METTL21C: variants seen among roughly 807,000 people sequenced by gnomAD.
The protein encoded by METTL21C is methyltransferase 21C, AARS1 lysine.
Under a neutral mutation model 25.9 loss-of-function variants are expected in METTL21C, and 21 were observed. The observed-to-expected ratio is 0.81, with a 90% CI of 0.58 to 1.17. The LOEUF (loss-of-function observed/expected upper bound fraction) is 1.17. METTL21C is among the 50% of genes most tolerant of loss of function. The probability of loss-of-function intolerance (pLI) is 0.00; values close to 1 mark genes in which losing one functional copy is unlikely to be tolerated. For missense variants in METTL21C, 312 were observed against 315.1 expected (o/e 0.99, Z 0.07); for synonymous variants, 125 against 124.7 (o/e 1.00, Z -0.01).
In METTL21C at chr13:102,686,565, T is replaced by G. The variant is rs553076946; in HGVS notation, c.401-140A>C. 7.1e-5 allele frequency: 72 copies of G among 1,013,602 alleles called. No individual in the cohort carries two copies. The African/African-American group carries it at 1.2e-3, about 16-fold the overall frequency. 62.8% of individuals were successfully genotyped at this position (1,013,602 alleles called of 1,614,324 possible). On this transcript the variant is annotated intron_variant, in intron 3 of 3. Transcript: ENST00000267273. Reference sequence around the variant, plus strand: ...TGGGCTGGACATGTTTGACCTAATGTGGGCTGGCTAATTCTTGTGGGTGGT... The same window carrying G: ...TGGGCTGGACATGTTTGACCTAATGGGGGCTGGCTAATTCTTGTGGGTGGT...
the METTL21C span, among the ~76,000 whole-genome samples, chr13:102,700,114 G>A: frequency 6.6e-6 from 1 of 152,288 alleles, no homozygotes; most frequent in Non-Finnish European, 1.5e-5. Context: ...CATTACCAGT[G>A]AAGAAGGAAA....
upstream of METTL21C, among the ~76,000 whole-genome samples, chr13:102,697,943 C>T (rs894766433): frequency 7.2e-5 from 11 of 152,058 alleles, no homozygotes; most frequent in South Asian, 2.1e-4. Context: ...CAGAGAGCTC[C>T]GGTGGTATTT....
chr13:102,699,214 C>A (rs1885995064), upstream of METTL21C, among the ~76,000 whole-genome samples: 1 of 152,178 alleles, frequency 6.6e-6, no homozygotes, highest in African/African-American at 2.4e-5. Flanking sequence ...ATAAATACAA[C>A]TTCACAGTGG....
the METTL21C span, among the ~76,000 whole-genome samples, chr13:102,703,627 A>T: frequency 2.0e-5 from 3 of 152,232 alleles, no homozygotes; most frequent in African/African-American, 7.2e-5. Context: ...AGCAGATGTT[A>T]TTCAGGATCA....
At chr13:102,689,536 C>T (rs1421129256) in intron 2 of METTL21C, among the ~76,000 whole-genome samples, 2 of 152,202 alleles carry the variant, frequency 1.3e-5, no homozygotes, top group Non-Finnish European at 2.9e-5. Context: ...AATGTGGGCA[C>T]CCTGGCCCAG....
In METTL21C at chr13:102,692,413, C is replaced by T. The variant is rs138941826; in HGVS notation, c.131-1449G>A. ...AGTAAGTAGAGGGATTTGGAGTGAG[C>T]CTTTAGAAACAGTCACAACCATTTG... On this transcript the variant is annotated intron_variant, in intron 1 of 3. Coordinates refer to ENST00000267273, the MANE Select transcript of METTL21C (RefSeq NM_001010977.3). 1.5e-3 allele frequency among the ~76,000 whole-genome samples: 221 copies of T among 152,278 alleles called. 1 individual carries two copies. Among genetic ancestry groups the T allele is most frequent in the African/African-American group, 5.0e-3 (208 of 41,552 alleles).
At chr13:102,688,250 A>G (rs1302965096) in intron 2 of METTL21C, among the ~76,000 whole-genome samples, 2 of 152,194 alleles carry the variant, frequency 1.3e-5, no homozygotes, top group Non-Finnish European at 2.9e-5. Context: ...TAGGTTTGGT[A>G]GCCAACCTGA....
the METTL21C span, among the ~76,000 whole-genome samples, chr13:102,701,407 C>A: frequency 6.6e-6 from 1 of 152,132 alleles, no homozygotes; most frequent in Non-Finnish European, 1.5e-5. Context: ...CTGCTTCTAC[C>A]CCATTCTCTA....
upstream of METTL21C, among the ~76,000 whole-genome samples, chr13:102,698,899 T>A (rs146750896): frequency 1.1e-3 from 162 of 152,322 alleles, no homozygotes; most frequent in African/African-American, 3.8e-3. Flanking sequence ...TCCAGAGATA[T>A]CAGCAGCAGG....
chr13:102,692,040 C>T (rs907739270), intron 1 of METTL21C, among the ~76,000 whole-genome samples: 3 of 152,026 alleles, frequency 2.0e-5, no homozygotes, highest in Admixed American at 6.6e-5. Flanking sequence ...ATTAACAGTG[C>T]GGAGAGTAGG....
chr13:102,699,802 A>ACC (rs138345381), upstream of METTL21C, among the ~76,000 whole-genome samples: 446 of 151,408 alleles, frequency 2.9e-3, 3 homozygotes, highest in African/African-American at 9.9e-3. Context: ...CTGCTGCAAT[A>ACC]CCCCCCCGAC....
chr13:102,698,547 C>G (rs1197667062), upstream of METTL21C, among the ~76,000 whole-genome samples: 1 of 152,160 alleles, frequency 6.6e-6, no homozygotes, highest in Non-Finnish European at 1.5e-5. Flanking sequence ...CCACCCACAT[C>G]AGCAGGTCTG....
At chr13:102,692,073 T>C (rs573255809) in intron 1 of METTL21C, among the ~76,000 whole-genome samples, 1 of 152,258 alleles carries the variant, frequency 6.6e-6, no homozygotes, top group South Asian at 2.1e-4. Context: ...CAGTTTTGTT[T>C]GCACGAAACC....
chr13:102,700,246 GATGGCCTGGCTGTCCATAA>G, the METTL21C span, among the ~76,000 whole-genome samples: 1 of 152,208 alleles, frequency 6.6e-6, no homozygotes, highest in South Asian at 2.1e-4. Flanking sequence ...CACTGCAGGG[GATGGCCTGGCTGTCCATAA>G]ATCACCTGCC....
chr13:102,700,836 C>A, the METTL21C span, among the ~76,000 whole-genome samples: 1 of 152,024 alleles, frequency 6.6e-6, no homozygotes, highest in African/African-American at 2.4e-5. Flanking sequence ...GCAGGAGAGG[C>A]TGCCCCATGA....
At chr13:102,696,703 T>C (rs962172173), upstream of METTL21C, among the ~76,000 whole-genome samples, 1 of 152,114 alleles carries the variant, frequency 6.6e-6, no homozygotes, top group African/African-American at 2.4e-5. Flanking sequence ...ACCCGGAAGC[T>C]TTAACATGCG....
chr13:102,687,401 A>G (rs953964483), intron 2 of METTL21C, among the ~76,000 whole-genome samples: 1 of 152,250 alleles, frequency 6.6e-6, no homozygotes, highest in Non-Finnish European at 1.5e-5. Context: ...TTGGTCTCCA[A>G]CTGCTTTAGG....
chr13:102,687,482 G>C (rs1885706158), intron 2 of METTL21C, among the ~76,000 whole-genome samples: 1 of 152,202 alleles, frequency 6.6e-6, no homozygotes, highest in Non-Finnish European at 1.5e-5. Context: ...TTTTTAAAAT[G>C]TCAATTTATA....
At chr13:102,691,130 T>C (rs1885821270) in intron 1 of METTL21C, among the ~76,000 whole-genome samples, 166 bp from the exon 2 acceptor site, 1 of 152,180 alleles carries the variant, frequency 6.6e-6, no homozygotes, top group African/African-American at 2.4e-5. Flanking sequence ...AATTGAATTA[T>C]ATGGGGTGAT....
Sources: allele counts gnomAD v4.1 joint callset (sites outside exome capture counted in the v4.1 genomes callset), GRCh38; gene constraint gnomAD v4.1.1; transcripts MANE v1.5; gene names NCBI Gene and HGNC (gene_info 2026-07-23, HGNC 2026-07-21).